PRKCB: variants seen among roughly 807,000 people sequenced by gnomAD.
The protein encoded by PRKCB is protein kinase C beta.
A neutral mutation model predicts 81.5 loss-of-function variants in PRKCB; 13 were observed. The ratio of observed to expected loss-of-function variants is 0.16; its 90% CI spans 0.10 to 0.25. The LOEUF is 0.25. Among genes scored for constraint, PRKCB ranks in the 10% least tolerant of loss-of-function variants. The pLI is 1.00. For synonymous variants in PRKCB, 335 were observed against 321.4 expected, an observed-to-expected ratio of 1.04 and a Z score of -0.45; for missense variants, 509 against 875.7, an observed-to-expected ratio of 0.58 and a Z score of 5.29.
intron 3 of PRKCB, among the ~76,000 whole-genome samples, chr16:23,998,947 T>C (rs1467516831): frequency 6.6e-6 from 1 of 152,182 alleles, no homozygotes; most frequent in African/African-American, 2.4e-5. Flanking sequence ...GAGCAGGAAG[T>C]ACTCCCTGCA....
intron 5 of PRKCB, among the ~76,000 whole-genome samples, chr16:24,048,331 C>T (rs892886351): frequency 6.6e-6 from 1 of 152,154 alleles, no homozygotes; most frequent in African/African-American, 2.4e-5. Context: ...GCCCAAGCCA[C>T]ACAACTAGGA....
At chr16:24,004,836 T>G (rs1038377148) in intron 3 of PRKCB, among the ~76,000 whole-genome samples, 1 of 152,226 alleles carries the variant, frequency 6.6e-6, no homozygotes, top group Non-Finnish European at 1.5e-5. Context: ...GACCTAAGAA[T>G]GACAATTCTA....
intron 2 of PRKCB, among the ~76,000 whole-genome samples, chr16:23,875,579 C>CATAT (rs1567298454): frequency 3.7e-4 from 3 of 8,190 alleles, no homozygotes; most frequent in East Asian, 0.026. Context: ...ATATCAAACA[C>CATAT]ATATGTATAT....
intron 2 of PRKCB, among the ~76,000 whole-genome samples, chr16:23,939,428 A>G (rs1964108387): frequency 6.6e-6 from 1 of 152,250 alleles, no homozygotes; most frequent in Non-Finnish European, 1.5e-5. Flanking sequence ...CATAGCTAAA[A>G]CAGTTTTGAA....
At chr16:24,021,040 C>T (rs961484648) in intron 3 of PRKCB, among the ~76,000 whole-genome samples, 42 of 72,396 alleles carry the variant, frequency 5.8e-4, no homozygotes, top group East Asian at 1.9e-3. Flanking sequence ...TTCTTTCTTT[C>T]TCTTTCTTTC....
rs182283658 is a variant in PRKCB, at chr16:24,112,933, C to T, written c.822-40C>T. ...GCTGATCAATAAAATAATACCGAGT[C>T]GAGTCATGAAATGTGTCCCACCCCC... On this transcript the variant is annotated intron_variant, in intron 7 of 16. Transcript: ENST00000643927. 1.7e-4 allele frequency: 228 copies of T among 1,338,718 alleles called. 1 individual carries two copies. The East Asian group carries it at 4.0e-3, about 24-fold the overall frequency. 82.9% of individuals were successfully genotyped at this position (1,338,718 alleles called of 1,614,324 possible).
At chr16:23,907,279 C>T (rs1382657450) in intron 2 of PRKCB, among the ~76,000 whole-genome samples, 2 of 152,192 alleles carry the variant, frequency 1.3e-5, no homozygotes, top group African/African-American at 4.8e-5. Flanking sequence ...AGCAGACCTC[C>T]CATCCATTTC....
At chr16:24,150,336 GAAAAC>G (rs765766533) in intron 9 of PRKCB, among the ~76,000 whole-genome samples, 12 of 152,074 alleles carry the variant, frequency 7.9e-5, no homozygotes, top group Admixed American at 2.6e-4. Context: ...ACGAAAAACA[GAAAAC>G]AAAACAAAAC....
At chr16:23,995,460 G>A (rs1029604756) in intron 3 of PRKCB, among the ~76,000 whole-genome samples, 3 of 152,126 alleles carry the variant, frequency 2.0e-5, no homozygotes, top group African/African-American at 7.2e-5. Flanking sequence ...TAAGATTTTG[G>A]AATATAGTCC....
intron 2 of PRKCB, among the ~76,000 whole-genome samples, chr16:23,944,761 TA>T (rs768538267): frequency 6.6e-5 from 10 of 152,230 alleles, no homozygotes; most frequent in Admixed American, 5.2e-4. Context: ...CACCTGCTCA[TA>T]AACTCTCATG....
intron 5 of PRKCB, among the ~76,000 whole-genome samples, chr16:24,040,407 C>T (rs1384253970): frequency 6.6e-6 from 1 of 152,192 alleles, no homozygotes; most frequent in African/African-American, 2.4e-5. Context: ...AACTCTTCCT[C>T]TCGATCTCGG....
rs74340206 is a variant in PRKCB at position 24,096,798 on chromosome 16, C to T, written c.821+2501C>T. On this transcript the variant is annotated intron_variant, in intron 7 of 16. Coordinates refer to ENST00000643927, the MANE Select transcript of PRKCB (RefSeq NM_002738.7). ...CAAGGAGTCAGAAGAAATAGCTTAA[C>T]CTGGCACTATAACTTTGGGAGAAGT... 5.7e-3 allele frequency among the ~76,000 whole-genome samples: 848 copies of T among 149,554 alleles called. 7 individuals are homozygous for T. The highest frequency in any genetic ancestry group is 0.02 in the African/African-American group (797 of 40,742).
intron 12 of PRKCB, among the ~76,000 whole-genome samples, chr16:24,176,126 C>G (rs1967527320): frequency 6.6e-6 from 1 of 151,884 alleles, no homozygotes. Flanking sequence ...TTTAGTCACA[C>G]CTGAAGTGGT....
chr16:24,160,395 C>T (rs1305538456), intron 10 of PRKCB, among the ~76,000 whole-genome samples: 1 of 152,218 alleles, frequency 6.6e-6, no homozygotes, highest in South Asian at 2.1e-4. Context: ...TGAAAATGGT[C>T]ATCTGGCTCC....
chr16:24,153,568 G>T (rs73550934), intron 9 of PRKCB, among the ~76,000 whole-genome samples: 1 of 152,184 alleles, frequency 6.6e-6, no homozygotes, highest in Non-Finnish European at 1.5e-5. Flanking sequence ...GCTTCCTACA[G>T]GGCTTCTTGA....
At chr16:24,143,558 G>A (rs886342487) in intron 9 of PRKCB, among the ~76,000 whole-genome samples, 5 of 152,048 alleles carry the variant, frequency 3.3e-5, no homozygotes, top group Admixed American at 6.5e-5. Flanking sequence ...GGGAGGGAGG[G>A]GCATGGGAGA....
chr16:23,849,344 C>A (rs1309211348), intron 2 of PRKCB, among the ~76,000 whole-genome samples: 1 of 150,494 alleles, frequency 6.6e-6, no homozygotes, highest in Non-Finnish European at 1.5e-5. Context: ...AGGGTGAAGT[C>A]TGAAGGACGG....
chr16:24,163,640 G>A (rs1967298932), intron 10 of PRKCB, among the ~76,000 whole-genome samples: 1 of 152,248 alleles, frequency 6.6e-6, no homozygotes, highest in Non-Finnish European at 1.5e-5. Context: ...AGCATCAATT[G>A]CTTGATTCTA....
At chr16:23,906,272 A>G (rs1963559438) in intron 2 of PRKCB, among the ~76,000 whole-genome samples, 1 of 152,024 alleles carries the variant, frequency 6.6e-6, no homozygotes, top group East Asian at 1.9e-4. Flanking sequence ...ATCTTAATTT[A>G]CATCTCTTTG....
Sources: gnomAD v4.1 joint callset for allele counts (sites outside exome capture counted in the v4.1 genomes callset) on GRCh38, gnomAD v4.1.1 for gene constraint, MANE v1.5 for transcripts, NCBI Gene and HGNC (gene_info 2026-07-23, HGNC 2026-07-21) for gene names.